PLCL1: variants seen among roughly 807,000 people sequenced by gnomAD.
The protein encoded by PLCL1 is inactive phospholipase C-like protein 1.
PLCL1 carries 41 observed loss-of-function variants against 84.4 expected under a neutral mutation model. That is an observed-to-expected ratio of 0.49 (90% CI 0.38 to 0.63). PLCL1 has a LOEUF of 0.63. Ranked by LOEUF, PLCL1 falls within the 30% of genes least tolerant of loss-of-function variation. The pLI is 0.00. For missense variants in PLCL1, 1,206 were observed against 1,367.8 expected (o/e 0.88, Z 1.87); for synonymous variants, 490 against 488.3 (o/e 1.00, Z -0.05).
At chr2:197,899,013 T>C (rs1688211583) in intron 1 of PLCL1, among the ~76,000 whole-genome samples, 1 of 152,214 alleles carries the variant, frequency 6.6e-6, no homozygotes, top group Non-Finnish European at 1.5e-5. Flanking sequence ...CATATTTCTG[T>C]CTCCTTTTTG....
chr2:197,994,376 T>C (rs1690413343), intron 1 of PLCL1, among the ~76,000 whole-genome samples: 1 of 152,194 alleles, frequency 6.6e-6, no homozygotes, highest in Non-Finnish European at 1.5e-5. Flanking sequence ...TTTAACATCC[T>C]GTAACAAACA....
chr2:197,971,993 A>C (rs1395694620), intron 1 of PLCL1, among the ~76,000 whole-genome samples: 1 of 152,232 alleles, frequency 6.6e-6, no homozygotes, highest in African/African-American at 2.4e-5. Context: ...TGGTTATCAC[A>C]GAATATTTAA....
chr2:198,114,528 A>G (rs1231868425), intron 5 of PLCL1, among the ~76,000 whole-genome samples: 38 of 151,874 alleles, frequency 2.5e-4, no homozygotes, highest in Non-Finnish European at 2.9e-5. Flanking sequence ...TTTGTTTCTT[A>G]CACACAGAGT....
At chr2:197,833,357 A>G (rs749169472) in intron 1 of PLCL1, among the ~76,000 whole-genome samples, 2 of 152,162 alleles carry the variant, frequency 1.3e-5, no homozygotes, top group Non-Finnish European at 2.9e-5. Flanking sequence ...ATAAATAAAG[A>G]TATTCAAATA....
Position 198,084,719 on chromosome 2 carries a change from C to A in PLCL1, c.1202C>A (p.Thr401Asn), listed in dbSNP as rs1172865259. Residue 401 changes from threonine (T) to asparagine (N), a missense_variant, in exon 2 of 6, where the codon ACC (threonine) becomes AAC (asparagine). Physicochemically the swap from Thr to Asn is moderately conservative, Grantham distance 65. Coordinates refer to ENST00000428675, the MANE Select transcript of PLCL1 (RefSeq NM_006226.4). ...CAAAAGAAGGTTGCCCAAGATATGA[C>A]CCAGCCATTATCTCACTACTATATC... ...PEQKKVAQDM[T>N]QPLSHYYINA... 2 of 1,613,834 alleles carry A rather than the reference C, an allele frequency of 1.2e-6. No homozygotes were observed. Among genetic ancestry groups the A allele is most frequent in the African/African-American group, 1.3e-5 (1 of 74,896 alleles).
In PLCL1 at chr2:198,097,692, G is replaced by T. The variant is rs375218978; in HGVS notation, c.2920-3593G>T. ...CTGAAGTAGATTTTGTCACCATTGT[G>T]AATGTGGAGACAAACGTCCTCTGAC... On this transcript the variant is annotated intron_variant, in intron 3 of 5. Coordinates refer to ENST00000428675, the MANE Select transcript of PLCL1 (RefSeq NM_006226.4). Among the ~76,000 whole-genome samples, 93 of 152,284 alleles carry T rather than the reference G, an allele frequency of 6.1e-4. 1 individual carries two copies. Among genetic ancestry groups the T allele is most frequent in the African/African-American group, 2.1e-3 (87 of 41,562 alleles).
chr2:198,096,644 T>C (rs1483007685), intron 3 of PLCL1, among the ~76,000 whole-genome samples: 1 of 152,158 alleles, frequency 6.6e-6, no homozygotes, highest in African/African-American at 2.4e-5. Flanking sequence ...AAGTTAAAAC[T>C]TTACTATGGT....
intron 1 of PLCL1, among the ~76,000 whole-genome samples, chr2:198,005,663 A>G (rs965270811): frequency 5.3e-5 from 8 of 152,222 alleles, no homozygotes; most frequent in African/African-American, 1.9e-4. Flanking sequence ...CGGCACTGTG[A>G]ATGTGTAACA....
At chr2:197,997,026 C>T (rs990627515) in intron 1 of PLCL1, among the ~76,000 whole-genome samples, 5 of 152,156 alleles carry the variant, frequency 3.3e-5, no homozygotes, top group Non-Finnish European at 7.3e-5. Context: ...GTGCTTTGTC[C>T]TATTACCTGA....
intron 1 of PLCL1, among the ~76,000 whole-genome samples, chr2:198,052,618 T>C (rs1052832038): frequency 2.6e-5 from 4 of 152,154 alleles, no homozygotes; most frequent in Non-Finnish European, 5.9e-5. Context: ...ATAGTCCTTA[T>C]TGGATATCAT....
At chr2:197,979,478 C>T (rs1041064374) in intron 1 of PLCL1, among the ~76,000 whole-genome samples, 9 of 152,274 alleles carry the variant, frequency 5.9e-5, no homozygotes, top group South Asian at 2.1e-4. Context: ...CTGTAGGGGC[C>T]GGATTTCTGA....
intron 1 of PLCL1, among the ~76,000 whole-genome samples, chr2:198,022,691 G>A (rs1289735583): frequency 6.6e-6 from 1 of 152,092 alleles, no homozygotes; most frequent in Non-Finnish European, 1.5e-5. Flanking sequence ...CAACTTACAA[G>A]GGATGCGAAG....
intron 1 of PLCL1, among the ~76,000 whole-genome samples, chr2:197,971,011 G>T (rs946717558): frequency 2.6e-5 from 4 of 152,216 alleles, no homozygotes; most frequent in Non-Finnish European, 5.9e-5. Flanking sequence ...TAAGAAGGCT[G>T]GGGTTATGCC....
intron 1 of PLCL1, among the ~76,000 whole-genome samples, chr2:197,939,830 A>G (rs1177637035): frequency 6.6e-6 from 1 of 150,686 alleles, no homozygotes; most frequent in Admixed American, 6.7e-5. Context: ...TGATTCTAAT[A>G]TGCAGCCAAA....
At chr2:197,922,799 G>A (rs867904234) in intron 1 of PLCL1, among the ~76,000 whole-genome samples, 102 of 92,858 alleles carry the variant, frequency 1.1e-3, no homozygotes, top group Non-Finnish European at 1.7e-3. Context: ...CCTCCCTCCC[G>A]GACGGGGCGG....
At chr2:197,887,707 A>G (rs1005255605) in intron 1 of PLCL1, among the ~76,000 whole-genome samples, 1 of 152,160 alleles carries the variant, frequency 6.6e-6, no homozygotes, top group Admixed American at 6.6e-5. Flanking sequence ...CTTTGTACCC[A>G]TTAAGTAATT....
At chr2:197,821,130 C>A (rs865993083) in intron 1 of PLCL1, among the ~76,000 whole-genome samples, 1 of 152,072 alleles carries the variant, frequency 6.6e-6, no homozygotes, top group African/African-American at 2.4e-5. Flanking sequence ...TCATTTGGGT[C>A]TTTTCCTTTA....
At chr2:198,129,571 A>T (rs1559114784) in intron 5 of PLCL1, among the ~76,000 whole-genome samples, 1 of 152,138 alleles carries the variant, frequency 6.6e-6, no homozygotes, top group Non-Finnish European at 1.5e-5. Flanking sequence ...CTCCTTGGCC[A>T]CATGTTCTCA....
chr2:197,830,430 A>G (rs2105654729), intron 1 of PLCL1, among the ~76,000 whole-genome samples: 1 of 152,048 alleles, frequency 6.6e-6, no homozygotes, highest in East Asian at 1.9e-4. Context: ...CAGAGATTGC[A>G]GATCGACTTA....
Sources: allele counts gnomAD v4.1 joint callset (sites outside exome capture counted in the v4.1 genomes callset), GRCh38; gene constraint gnomAD v4.1.1; transcripts MANE v1.5; gene names NCBI Gene and HGNC (gene_info 2026-07-23, HGNC 2026-07-21).